CCDC169: variants seen among roughly 807,000 people sequenced by gnomAD.
The protein encoded by CCDC169 is coiled-coil domain containing 169, also known as coiled-coil domain-containing protein 169.
Under a neutral mutation model 36.0 loss-of-function variants are expected in CCDC169, and 30 were observed. That is an observed-to-expected ratio of 0.83 (90% CI 0.62 to 1.13). The LOEUF (loss-of-function observed/expected upper bound fraction) is 1.13. Ranked by LOEUF, CCDC169 falls within the 50% of genes most tolerant of loss-of-function variation. CCDC169 has a pLI of 0.00. For synonymous variants in CCDC169, 85 were observed against 81.5 expected (o/e 1.04, Z -0.23); for missense variants, 245 against 245.9 (o/e 1.00, Z 0.03).
At chr13:36,269,965 A>C (rs964956792) in intron 4 of CCDC169, among the ~76,000 whole-genome samples, 1 of 152,208 alleles carries the variant, frequency 6.6e-6, no homozygotes, top group Non-Finnish European at 1.5e-5. Context: ...TCCAAATTGG[A>C]AAAGAGGAAT....
At position 36,273,638 on chromosome 13, in the gene CCDC169, C is replaced by A. The variant is rs1056025419; in HGVS notation, c.315+9831G>T. Among the ~76,000 whole-genome samples the A allele has an allele frequency of 2.0e-4, 31 of 152,166 alleles. 1 individual carries two copies. The highest frequency in any genetic ancestry group is 2.9e-5 in the Non-Finnish European group (2 of 68,028). On this transcript the variant is annotated intron_variant, in intron 4 of 7. Coordinates refer to ENST00000239859, the MANE Select transcript of CCDC169 (RefSeq NM_001144981.3). ...GATTTAAAAATAATAATTTTATACTCAAAAACTGTGAATTCTAAAATAGAT... is the reference window on the plus strand; with the variant it reads ...GATTTAAAAATAATAATTTTATACTAAAAAACTGTGAATTCTAAAATAGAT...
At chr13:36,283,410 G>C (rs780734220) in intron 4 of CCDC169, 59 bp downstream of exon 4, 3 of 1,466,862 alleles carry the variant, frequency 2.0e-6, no homozygotes. Flanking sequence ...AATACGTCTG[G>C]AAAAAATAGA....
At chr13:36,244,467 A>G (rs1872242146) in intron 7 of CCDC169, 1 of 152,130 alleles carries the variant, frequency 6.6e-6, no homozygotes, top group African/African-American at 2.4e-5. Flanking sequence ...CTGTTGTTGC[A>G]ATTTTTTGCT....
At chr13:36,244,882 AG>A (rs1459365170) in intron 7 of CCDC169, among the ~76,000 whole-genome samples, 1 of 152,086 alleles carries the variant, frequency 6.6e-6, no homozygotes, top group African/African-American at 2.4e-5. Flanking sequence ...TAGTTTTTCC[AG>A]GGAAGTCCTT....
intron 4 of CCDC169, among the ~76,000 whole-genome samples, chr13:36,265,426 C>T (rs1875148897): frequency 6.6e-6 from 1 of 152,184 alleles, no homozygotes; most frequent in Non-Finnish European, 1.5e-5. Context: ...GTAACTGAAA[C>T]CTTATTAATC....
chr13:36,262,355 T>C (rs746301297), intron 4 of CCDC169, among the ~76,000 whole-genome samples: 38 of 152,192 alleles, frequency 2.5e-4, no homozygotes, highest in Non-Finnish European at 4.1e-4. Flanking sequence ...TGATCAATGA[T>C]GAACACCTCC....
chr13:36,254,733 A>G lies in CCDC169; in HGVS notation c.316-590T>C, dbSNP rs183120802. On this transcript the variant is annotated intron_variant, in intron 4 of 7. Coordinates refer to ENST00000239859, the MANE Select transcript of CCDC169 (RefSeq NM_001144981.3). Reference sequence around the variant, plus strand: ...ACCTAACACTCTCTATCAAACTTCAATAAGGGCAATTTCCACATCGACTAA... The same window carrying G: ...ACCTAACACTCTCTATCAAACTTCAGTAAGGGCAATTTCCACATCGACTAA... Among the ~76,000 whole-genome samples the G allele has an allele frequency of 7.9e-5, 12 of 152,316 alleles. No homozygotes were observed. The East Asian group carries it at 1.9e-3, about 24-fold the overall frequency.
chr13:36,297,532 G>C (rs1789209517), intron 1 of CCDC169, 105 bp downstream of exon 1: 6 of 1,106,934 alleles, frequency 5.4e-6, no homozygotes, highest in Non-Finnish European at 7.9e-6. Context: ...GGTTAATCAC[G>C]GCGCCGGTCT....
chr13:36,262,932 G>T (rs75714702), intron 4 of CCDC169, among the ~76,000 whole-genome samples: 19,329 of 152,142 alleles, frequency 0.13, 1,592 homozygotes, highest in Non-Finnish European at 0.18. Context: ...TAAAGCATAT[G>T]ACTGAAAGAA....
chr13:36,262,651 T>C (rs1030463092), intron 4 of CCDC169, among the ~76,000 whole-genome samples: 8 of 152,184 alleles, frequency 5.3e-5, no homozygotes, highest in African/African-American at 1.7e-4. Flanking sequence ...GATTGGTATA[T>C]ACTGGATAGC....
chr13:36,282,619 A>G (rs552849122), intron 4 of CCDC169: 1 of 794,596 alleles, frequency 1.3e-6, no homozygotes, highest in East Asian at 1.3e-4. Flanking sequence ...TCGTTGTGCT[A>G]ATATTTCTTC....
At chr13:36,224,215 T>C (rs1307079848), downstream of CCDC169, 1 of 152,126 alleles carries the variant, frequency 6.6e-6, no homozygotes, top group East Asian at 1.9e-4. Flanking sequence ...TGTTTTGACA[T>C]CTTGGTTGGA....
At chr13:36,243,030 G>C (rs1453198778) in intron 7 of CCDC169, among the ~76,000 whole-genome samples, 2 of 152,198 alleles carry the variant, frequency 1.3e-5, no homozygotes, top group African/African-American at 2.4e-5. Flanking sequence ...CAGAAGTTCA[G>C]ATTCCCCAGG....
At chr13:36,256,654 A>G (rs933640499) in intron 4 of CCDC169, among the ~76,000 whole-genome samples, 3 of 152,246 alleles carry the variant, frequency 2.0e-5, no homozygotes. Flanking sequence ...GAACCCCTCA[A>G]GCAGAGGTTT....
chr13:36,229,038 T>C (rs536943378), downstream of CCDC169, among the ~76,000 whole-genome samples: 193 of 152,352 alleles, frequency 1.3e-3, 2 homozygotes, highest in Middle Eastern at 3.4e-3. Context: ...TTTCATCTTT[T>C]ATCTTGTAGG....
intron 7 of CCDC169, among the ~76,000 whole-genome samples, chr13:36,236,831 T>C (rs1871135597): frequency 6.6e-6 from 1 of 152,004 alleles, no homozygotes; most frequent in Admixed American, 6.6e-5. Context: ...GAAGATACAG[T>C]TGTCCCTCTA....
intron 4 of CCDC169, among the ~76,000 whole-genome samples, chr13:36,268,632 C>T (rs1449615688): frequency 1.4e-5 from 2 of 147,126 alleles, no homozygotes; most frequent in Non-Finnish European, 3.0e-5. Context: ...CAGAGTAGAA[C>T]TAAATGAAAT....
intron 4 of CCDC169, among the ~76,000 whole-genome samples, chr13:36,254,559 G>A (rs1566069739): frequency 6.6e-6 from 1 of 152,074 alleles, no homozygotes; most frequent in South Asian, 2.1e-4. Context: ...TTACAGTCGT[G>A]AGCCACTGCA....
intron 4 of CCDC169, among the ~76,000 whole-genome samples, chr13:36,257,916 G>C (rs1566072338): frequency 6.6e-6 from 1 of 151,952 alleles, no homozygotes; most frequent in African/African-American, 2.4e-5. Flanking sequence ...ATGAGTAAGT[G>C]GGTAAAGTCC....
Sources: gnomAD v4.1 joint callset for allele counts (sites outside exome capture counted in the v4.1 genomes callset) on GRCh38, gnomAD v4.1.1 for gene constraint, MANE v1.5 for transcripts, NCBI Gene and HGNC (gene_info 2026-07-23, HGNC 2026-07-21) for gene names.